Variants in AKAP5 observed in about 807,000 individuals in gnomAD.
The protein encoded by AKAP5 is A-kinase anchor protein 5.
A neutral mutation model predicts 13.8 loss-of-function variants in AKAP5; 5 were observed. The ratio of observed to expected loss-of-function variants is 0.36; its 90% confidence interval spans 0.19 to 0.76. AKAP5 has a LOEUF of 0.76. Among genes scored for constraint, AKAP5 ranks in the 30% least tolerant of loss-of-function variants. The pLI, the probability that AKAP5 is intolerant of heterozygous loss-of-function variation, is 0.51. For synonymous variants in AKAP5, 148 were observed against 167.2 expected (o/e 0.89, Z 0.89); for missense variants, 406 against 484.4 (o/e 0.84, Z 1.52).
Position 64,469,501 on chromosome 14 carries a change from G to A in AKAP5, c.1107G>A (p.Glu369=). Residue 369 remains glutamate, a synonymous_variant, in exon 2 of 2, where the codon GAG becomes GAA. Transcript: ENST00000394718. The stretch of plus-strand genomic sequence containing the variant: ...AATTCTTAATTTCAGCTGAAAATGA[G>A]CAAGTAGGGGTTTTTGCTAATGATA... ...PKQFLISAEN[E]QVGVFANDNG... The A allele has an allele frequency of 6.2e-7, 1 of 1,613,176 alleles. No individual in the cohort carries two copies. The highest frequency in any genetic ancestry group is 8.5e-7 in the Non-Finnish European group (1 of 1,179,804).
chr14:64,473,470 T>G lies in AKAP5; in HGVS notation c.*3792T>G, dbSNP rs1237826928. The stretch of plus-strand genomic sequence containing the variant: ...TTTCACCAGTATATGTGAACAGGCT[T>G]GCTAAAGGCATTAAAGATATGGATC... On this transcript the variant is annotated 3_prime_UTR_variant, in exon 2 of 2. Coordinates refer to ENST00000394718, the MANE Select transcript of AKAP5 (RefSeq NM_004857.3). The G allele has an allele frequency of 6.0e-6, 1 of 167,100 alleles. No homozygotes were observed. The highest frequency in any genetic ancestry group is 2.4e-5 in the African/African-American group (1 of 41,448). 10.4% of individuals were successfully genotyped at this position (167,100 alleles called of 1,614,324 possible). A position where few individuals can be genotyped will look rare whatever the true frequency, so the allele number is the denominator to read the frequency against.
chr14:64,468,491 T>A lies in AKAP5; in HGVS notation c.97T>A (p.Ser33Thr). 6.2e-7 allele frequency: 1 copy of A among 1,614,030 alleles called. No homozygotes were observed. The highest frequency in any genetic ancestry group is 8.5e-7 in the Non-Finnish European group (1 of 1,180,028). ...PGAERQKEKA[S>T]MLCFKRRKKA... Reference sequence around the variant, plus strand: ...GGCTGAAAGGCAGAAGGAAAAGGCATCCATGCTTTGCTTCAAGAGAAGAAA... The same window carrying A: ...GGCTGAAAGGCAGAAGGAAAAGGCAACCATGCTTTGCTTCAAGAGAAGAAA... Residue 33 changes from serine to threonine, a missense_variant, in exon 2 of 2, where the codon TCC (serine) becomes ACC (threonine). Physicochemically the swap from Ser to Thr is moderately conservative, Grantham distance 58. Transcript: ENST00000394718.
Position 64,472,413 on chromosome 14 carries a change from CAG to C in AKAP5, c.*2737_*2738del, listed in dbSNP as rs771579440. 6.0e-6 allele frequency: 1 copy of C among 166,900 alleles called. No homozygotes were observed. Among genetic ancestry groups the C allele is most frequent in the Non-Finnish European group, 1.5e-5 (1 of 68,082 alleles). 10.3% of individuals were successfully genotyped at this position (166,900 alleles called of 1,614,324 possible). On this transcript the variant is annotated 3_prime_UTR_variant, in exon 2 of 2. Transcript: ENST00000394718. ...ATATTTTGGGGGATTTTTAAAAAAA[CAG>C]ATAAATGGTAAATATGTGCAATGAA...
rs2078642520 is a variant in AKAP5, at chr14:64,469,242, G to A, written c.848G>A (p.Ser283Asn). 4 of 1,613,876 alleles carry A rather than the reference G, an allele frequency of 2.5e-6. No individual in the cohort carries two copies. Among genetic ancestry groups the A allele is most frequent in the African/African-American group, 1.3e-5 (1 of 75,012 alleles). The change falls in exon 2 of 2, where the codon AGT becomes AAT. Residue 283 changes from serine (S) to asparagine (N), a missense_variant. Coordinates refer to ENST00000394718, the MANE Select transcript of AKAP5 (RefSeq NM_004857.3). ...DQQIVEEASN[S>N]TLESAPNGKD... Reference sequence around the variant, plus strand: ...CAAATTGTGGAAGAAGCCAGTAACAGTACCCTAGAAAGTGCACCAAATGGA... The same window carrying A: ...CAAATTGTGGAAGAAGCCAGTAACAATACCCTAGAAAGTGCACCAAATGGA...
At position 64,468,609 on chromosome 14, in the gene AKAP5, C is replaced by T. The variant is rs993183386; in HGVS notation, c.215C>T (p.Pro72Leu). The change falls in exon 2 of 2, where the codon CCA becomes CTA. Residue 72 changes from proline (P) to leucine (L), a missense_variant. By Grantham distance (98) the Pro-to-Leu change is moderately conservative (BLOSUM62 -3). Transcript: ENST00000394718. ...CAAGAAGCAGGAGCTTCTGATCAGC[C>T]AGAGCCCACACGGGGGGCCTGGGCC... ...CPQEAGASDQ[P>L]EPTRGAWASL... 5.0e-6 allele frequency: 8 copies of T among 1,613,746 alleles called. No individual in the cohort carries two copies. The highest frequency in any genetic ancestry group is 1.3e-5 in the African/African-American group (1 of 74,910).
chr14:64,473,531 A>G lies in AKAP5; in HGVS notation c.*3853A>G, dbSNP rs1377801722. ...CAAATTTGGCTTCTGTATGCAATCC[A>G]GCATTAACTTCATCCATACATTTCT... On this transcript the variant is annotated 3_prime_UTR_variant, in exon 2 of 2. Transcript: ENST00000394718. 1 of 167,124 alleles carries G rather than the reference A, an allele frequency of 6.0e-6. No individual in the cohort carries two copies. Among genetic ancestry groups the G allele is most frequent in the African/African-American group, 2.4e-5 (1 of 41,470 alleles). The allele number at this position is 167,124 out of a possible 1,614,324, so 10.4% of individuals were successfully genotyped here. A position where few individuals can be genotyped will look rare whatever the true frequency, so the allele number is the denominator to read the frequency against.
chr14:64,469,773 T>C lies in AKAP5; in HGVS notation c.*95T>C. 1 of 905,916 alleles carries C rather than the reference T, an allele frequency of 1.1e-6. No homozygotes were observed. The highest frequency in any genetic ancestry group is 2.9e-5 in the Admixed American group (1 of 34,310). The allele number at this position is 905,916 out of a possible 1,614,324, so 56.1% of individuals were successfully genotyped here. On this transcript the variant is annotated 3_prime_UTR_variant, in exon 2 of 2. Coordinates refer to ENST00000394718, the MANE Select transcript of AKAP5 (RefSeq NM_004857.3). ...CTTACTCAGTAACAAATGAGAGATTTATCATCTCTAGAACTTAAAAGGTAC... is the reference window on the plus strand; with the variant it reads ...CTTACTCAGTAACAAATGAGAGATTCATCATCTCTAGAACTTAAAAGGTAC...
At chr14:64,467,631 G>A (rs1469649283) in intron 1 of AKAP5, 2 of 151,732 alleles carry the variant, frequency 1.3e-5, no homozygotes, top group Non-Finnish European at 2.9e-5. Context: ...TCTAACTCTG[G>A]CTATGACCTT....
chr14:64,466,322 G>C (rs2078613115), intron 1 of AKAP5, among the ~76,000 whole-genome samples: 1 of 152,154 alleles, frequency 6.6e-6, no homozygotes, highest in Non-Finnish European at 1.5e-5. Context: ...GTTTCTGTTT[G>C]GGTATTCGTT....
rs1265790778 is a variant in AKAP5 at position 64,473,540 on chromosome 14, T to C, written c.*3862T>C. ...CTTCTGTATGCAATCCAGCATTAAC[T>C]TCATCCATACATTTCTAACTTCATC... On this transcript the variant is annotated 3_prime_UTR_variant, in exon 2 of 2. Transcript: ENST00000394718. 6.0e-6 allele frequency: 1 copy of C among 167,100 alleles called. No homozygotes were observed. The highest frequency in any genetic ancestry group is 1.9e-4 in the East Asian group (1 of 5,206). 10.4% of individuals were successfully genotyped at this position (167,100 alleles called of 1,614,324 possible).
At position 64,468,548 on chromosome 14, in the gene AKAP5, G is replaced by T; in HGVS notation, c.154G>T (p.Gly52Cys). The T allele has an allele frequency of 1.2e-6, 2 of 1,614,054 alleles. No homozygotes were observed. Among genetic ancestry groups the T allele is most frequent in the South Asian group, 1.1e-5 (1 of 91,086 alleles). ...AGCCAAAGCACTGAAGCCCAAAGCTGGCTCTGAAGCTGCTGATGTGGCAAG... is the reference window on the plus strand; with the variant it reads ...AGCCAAAGCACTGAAGCCCAAAGCTTGCTCTGAAGCTGCTGATGTGGCAAG... ...KAAKALKPKA[G>C]SEAADVARKC... Residue 52 changes from glycine (G) to cysteine (C), a missense_variant, in exon 2 of 2, where the codon GGC becomes TGC. Transcript: ENST00000394718.
chr14:64,468,036 ATGCC>A (rs2078629125), intron 1 of AKAP5, 92 bp from the exon 2 acceptor site: 1 of 157,678 alleles, frequency 6.3e-6, no homozygotes, highest in Admixed American at 6.3e-5. Context: ...TATGGAAAAT[ATGCC>A]TGGTAGAATC....
chr14:64,467,350 T>C (rs1235090579), intron 1 of AKAP5: 1 of 152,230 alleles, frequency 6.6e-6, no homozygotes, highest in Non-Finnish European at 1.5e-5. Flanking sequence ...CACTGCCTAA[T>C]ACCCAAGAAT....
chr14:64,468,553 T>G lies in AKAP5; in HGVS notation c.159T>G (p.Ser53=), dbSNP rs770534723. The change falls in exon 2 of 2, where the codon TCT becomes TCG. Residue 53 remains serine (S), a synonymous_variant. Coordinates refer to ENST00000394718, the MANE Select transcript of AKAP5 (RefSeq NM_004857.3). ...AAKALKPKAG[S]EAADVARKCP... ...AAGCACTGAAGCCCAAAGCTGGCTC[T>G]GAAGCTGCTGATGTGGCAAGGAAGT... 6.2e-7 allele frequency: 1 copy of G among 1,614,076 alleles called. No homozygotes were observed. The highest frequency in any genetic ancestry group is 8.5e-7 in the Non-Finnish European group (1 of 1,180,022).
chr14:64,473,673 T>C lies in AKAP5; in HGVS notation c.*3995T>C, dbSNP rs1390330099. 1 of 167,056 alleles carries C rather than the reference T, an allele frequency of 6.0e-6. No individual in the cohort carries two copies. The highest frequency in any genetic ancestry group is 1.5e-5 in the Non-Finnish European group (1 of 68,120). 10.3% of individuals were successfully genotyped at this position (167,056 alleles called of 1,614,324 possible). ...TGTTAGGCTTTAGAATCCCACTGTT[T>C]GAAAAGATCCTTTTAATGTCAACTT... On this transcript the variant is annotated 3_prime_UTR_variant, in exon 2 of 2. Transcript: ENST00000394718.
At position 64,472,311 on chromosome 14, in the gene AKAP5, A is replaced by G. The variant is rs983470151; in HGVS notation, c.*2633A>G. Reference sequence around the variant, plus strand: ...CTCATTTACTGCAAGGATGCCTCCAAGCCAATACACTTGCATTGTAAATGT... The same window carrying G: ...CTCATTTACTGCAAGGATGCCTCCAGGCCAATACACTTGCATTGTAAATGT... On this transcript the variant is annotated 3_prime_UTR_variant, in exon 2 of 2. Transcript: ENST00000394718. 13 of 167,100 alleles carry G rather than the reference A, an allele frequency of 7.8e-5. No individual in the cohort carries two copies. The highest frequency in any genetic ancestry group is 3.1e-4 in the African/African-American group (13 of 41,460). 10.4% of individuals were successfully genotyped at this position (167,100 alleles called of 1,614,324 possible). A position where few individuals can be genotyped will look rare whatever the true frequency, so the allele number is the denominator to read the frequency against.
At chr14:64,466,391 A>G (rs1218953203) in intron 1 of AKAP5, among the ~76,000 whole-genome samples, 2 of 152,176 alleles carry the variant, frequency 1.3e-5, no homozygotes, top group Non-Finnish European at 2.9e-5. Flanking sequence ...TCTTTGCGCA[A>G]TCCAGGTTAG....
chr14:64,465,910 C>A (rs920973324), intron 1 of AKAP5, among the ~76,000 whole-genome samples: 3 of 152,190 alleles, frequency 2.0e-5, no homozygotes, highest in Middle Eastern at 3.2e-3. Context: ...GGGTTTCTGG[C>A]CATTACATTA....
rs1370763573 is a variant in AKAP5, at chr14:64,471,158, T to TC, written c.*1480_*1481insC. On this transcript the variant is annotated 3_prime_UTR_variant, in exon 2 of 2. Coordinates refer to ENST00000394718, the MANE Select transcript of AKAP5 (RefSeq NM_004857.3). ...TTTTCATCACTATTTTCTTTTCTTT[T>TC]TTTTTTTTTTTTGAGATGGAGTCTC... 1.7e-4 allele frequency: 27 copies of TC among 156,354 alleles called. 1 individual carries two copies. Among genetic ancestry groups the TC allele is most frequent in the Admixed American group, 1.5e-3 (23 of 14,952 alleles). The allele number at this position is 156,354 out of a possible 1,614,324, so 9.7% of individuals were successfully genotyped here. A position where few individuals can be genotyped will look rare whatever the true frequency, so the allele number is the denominator to read the frequency against.
Sources: allele counts gnomAD v4.1 joint callset (sites outside exome capture counted in the v4.1 genomes callset), GRCh38; gene constraint gnomAD v4.1.1; transcripts MANE v1.5; gene names NCBI Gene and HGNC (gene_info 2026-07-23, HGNC 2026-07-21).